The following CNTNAP2 variants were observed in gnomAD, a reference collection of about 807,000 sequenced individuals.
CNTNAP2 encodes contactin-associated protein-like 2.
In CNTNAP2, 98 loss-of-function variants were observed where a neutral mutation model predicts 155.2. The observed-to-expected ratio is 0.63, with a 90% confidence interval of 0.54 to 0.75. The LOEUF is 0.75. Among genes scored for constraint, CNTNAP2 ranks in the 30% least tolerant of loss-of-function variants. CNTNAP2 has a pLI of 0.00. For missense variants in CNTNAP2, 1,727 were observed against 1,688.1 expected, an observed-to-expected ratio of 1.02 and a Z score of -0.40; for synonymous variants, 651 against 631.2, an observed-to-expected ratio of 1.03 and a Z score of -0.47.
intron 8 of CNTNAP2, among the ~76,000 whole-genome samples, chr7:147,279,952 G>T (rs185740572): frequency 6.6e-6 from 1 of 151,830 alleles, no homozygotes; most frequent in African/African-American, 2.4e-5. Flanking sequence ...CATGAGATTT[G>T]TTCTTAAATT....
intron 11 of CNTNAP2, among the ~76,000 whole-genome samples, chr7:147,555,491 C>T (rs975006560): frequency 3.9e-5 from 6 of 152,068 alleles, no homozygotes; most frequent in African/African-American, 1.2e-4. Context: ...CATTCATAAG[C>T]GATTGATGGA....
intron 13 of CNTNAP2, among the ~76,000 whole-genome samples, chr7:147,711,070 G>A (rs910514927): frequency 1.6e-4 from 25 of 152,230 alleles, no homozygotes; most frequent in Non-Finnish European, 3.2e-4. Context: ...AGAGATTTCC[G>A]GAAGTCTCAG....
intron 19 of CNTNAP2, among the ~76,000 whole-genome samples, chr7:148,222,609 T>G (rs1365735748): frequency 6.6e-6 from 1 of 152,226 alleles, no homozygotes; most frequent in East Asian, 1.9e-4. Context: ...GTCCTCATGA[T>G]CCAATCACCT....
chr7:146,647,961 AG>A (rs1469982982), intron 1 of CNTNAP2, among the ~76,000 whole-genome samples: 1 of 152,092 alleles, frequency 6.6e-6, no homozygotes, highest in East Asian at 1.9e-4. Context: ...CTTCAGCCTC[AG>A]CTCCCAACCT....
At chr7:146,827,282 A>T (rs1803424089) in intron 2 of CNTNAP2, among the ~76,000 whole-genome samples, 1 of 152,084 alleles carries the variant, frequency 6.6e-6, no homozygotes, top group African/African-American at 2.4e-5. Flanking sequence ...CTAAGAGTTT[A>T]CTTAGTACTT....
chr7:147,574,160 A>T (rs562526687), intron 12 of CNTNAP2, among the ~76,000 whole-genome samples: 81 of 152,058 alleles, frequency 5.3e-4, no homozygotes, highest in Middle Eastern at 3.4e-3. Context: ...CTTCTTGAAA[A>T]TTTCCTTTTC....
intron 19 of CNTNAP2, among the ~76,000 whole-genome samples, chr7:148,223,751 T>C (rs576095285): frequency 2.6e-4 from 39 of 152,336 alleles, no homozygotes; most frequent in African/African-American, 8.4e-4. Flanking sequence ...CAATAATTTC[T>C]GCTGCCATTA....
intron 10 of CNTNAP2, among the ~76,000 whole-genome samples, chr7:147,465,378 G>T (rs568132630): frequency 6.6e-6 from 1 of 152,182 alleles, no homozygotes; most frequent in South Asian, 2.1e-4. Flanking sequence ...CTTATAAATT[G>T]CAGTGATGTC....
At chr7:146,830,320 C>T (rs187997309) in intron 2 of CNTNAP2, among the ~76,000 whole-genome samples, 17 of 151,882 alleles carry the variant, frequency 1.1e-4, no homozygotes, top group Admixed American at 6.6e-4. Context: ...GGGAAAAGGA[C>T]GGTGATTTTT....
chr7:146,645,711 C>G (rs929116690), intron 1 of CNTNAP2, among the ~76,000 whole-genome samples: 1 of 151,982 alleles, frequency 6.6e-6, no homozygotes, highest in Non-Finnish European at 1.5e-5. Context: ...TTTAGTGTAT[C>G]CACAGAGTTA....
At chr7:146,256,680 A>G (rs1799843050) in intron 1 of CNTNAP2, among the ~76,000 whole-genome samples, 1 of 152,090 alleles carries the variant, frequency 6.6e-6, no homozygotes, top group Admixed American at 6.6e-5. Flanking sequence ...TAAGAAAATA[A>G]TTTAAGAAAA....
chr7:148,309,348 T>G (rs1418418273), intron 21 of CNTNAP2, among the ~76,000 whole-genome samples: 1 of 152,252 alleles, frequency 6.6e-6, no homozygotes, highest in Admixed American at 6.5e-5. Context: ...ATTGTTTCCT[T>G]TGCCTTTAGG....
chr7:147,176,954 TATA>T (rs978949239), intron 8 of CNTNAP2, among the ~76,000 whole-genome samples: 2 of 136,170 alleles, frequency 1.5e-5, no homozygotes, highest in African/African-American at 5.6e-5. Context: ...TAATTCTAAA[TATA>T]ATTATAATTC....
intron 13 of CNTNAP2, among the ~76,000 whole-genome samples, chr7:147,659,510 A>G (rs533036203): frequency 1.1e-4 from 17 of 152,336 alleles, no homozygotes; most frequent in African/African-American, 4.1e-4. Context: ...GATAAACCTT[A>G]TTATCTATCT....
chr7:147,579,452 CTG>C (rs1183988974), intron 12 of CNTNAP2, among the ~76,000 whole-genome samples: 15 of 152,020 alleles, frequency 9.9e-5, no homozygotes, highest in African/African-American at 3.6e-4. Flanking sequence ...TTCAAATAAT[CTG>C]TTATAATATG....
Position 146,284,338 on chromosome 7 carries a change from G to A in CNTNAP2, c.97+167365G>A, listed in dbSNP as rs1416429466. ...AAAATAACACCAAAAACAATTTATA[G>A]ACATTTTATAATTTATCAATTTCTT... On this transcript the variant is annotated intron_variant, in intron 1 of 23. Transcript: ENST00000361727. 2.0e-5 allele frequency among the ~76,000 whole-genome samples: 3 copies of A among 151,798 alleles called. No homozygotes were observed. The East Asian group carries it at 5.8e-4, about 29-fold the overall frequency.
intron 3 of CNTNAP2, among the ~76,000 whole-genome samples, chr7:147,034,121 C>T (rs980793088): frequency 2.6e-5 from 4 of 152,060 alleles, no homozygotes; most frequent in East Asian, 3.9e-4. Flanking sequence ...CCAAGGATTC[C>T]TCTCTTTTTA....
intron 3 of CNTNAP2, among the ~76,000 whole-genome samples, chr7:146,988,493 C>T (rs1452382092): frequency 1.3e-5 from 2 of 152,032 alleles, no homozygotes; most frequent in Non-Finnish European, 2.9e-5. Context: ...CTTTGAAATG[C>T]TTAAACTTTG....
chr7:146,779,766 C>A (rs1375034375), intron 2 of CNTNAP2, among the ~76,000 whole-genome samples: 2 of 152,190 alleles, frequency 1.3e-5, no homozygotes, highest in African/African-American at 4.8e-5. Context: ...CTCTATCACA[C>A]CAGAGGGCAG....
Sources: gnomAD v4.1 joint callset for allele counts (sites outside exome capture counted in the v4.1 genomes callset) on GRCh38, gnomAD v4.1.1 for gene constraint, MANE v1.5 for transcripts, NCBI Gene and HGNC (gene_info 2026-07-23, HGNC 2026-07-21) for gene names.